DHRS7B: variants seen among roughly 807,000 people sequenced by gnomAD.
DHRS7B encodes dehydrogenase/reductase 7B.
A neutral mutation model predicts 26.4 loss-of-function variants in DHRS7B; 24 were observed. The observed-to-expected ratio is 0.91, with a 90% CI of 0.66 to 1.28. The LOEUF is 1.28. Among genes scored for constraint, DHRS7B ranks in the 50% most tolerant of loss-of-function variants. The pLI, the probability that DHRS7B is intolerant of heterozygous loss-of-function variation, is 0.00. For missense variants in DHRS7B, 368 were observed against 419.4 expected, an observed-to-expected ratio of 0.88 and a Z score of 1.07; for synonymous variants, 142 against 166.4, an observed-to-expected ratio of 0.85 and a Z score of 1.13.
intron 1 of DHRS7B, among the ~76,000 whole-genome samples, chr17:21,135,586 GC>G (rs1973323518): frequency 6.6e-6 from 1 of 152,070 alleles, no homozygotes; most frequent in African/African-American, 2.4e-5. Flanking sequence ...CAAACAATAA[GC>G]CTTAATAAAA....
At chr17:21,190,857 C>A in intron 6 of DHRS7B, 91 bp from the exon 7 acceptor site, 1 of 1,329,946 alleles carries the variant, frequency 7.5e-7, no homozygotes, top group Non-Finnish European at 1.0e-6. Context: ...GGAAAGGCAG[C>A]AGGCTGACCT....
intron 1 of DHRS7B, among the ~76,000 whole-genome samples, chr17:21,138,101 T>TAC (rs370861401): frequency 2.6e-3 from 225 of 86,102 alleles, no homozygotes; most frequent in Admixed American, 3.1e-3. Flanking sequence ...TATATATATA[T>TAC]ACACACACAC....
In DHRS7B at chr17:21,172,052, A is replaced by G. The variant is rs916482855; in HGVS notation, c.55A>G (p.Ile19Val). The G allele has an allele frequency of 8.1e-6, 13 of 1,614,110 alleles. No individual in the cohort carries two copies. Among genetic ancestry groups the G allele is most frequent in the Non-Finnish European group, 1.1e-5 (13 of 1,180,050 alleles). ...GCCGAAGGTGAAGGCCATGGACTTCATCACCTCCACAGCCATCCTGCCCCT... is the reference window on the plus strand; with the variant it reads ...GCCGAAGGTGAAGGCCATGGACTTCGTCACCTCCACAGCCATCCTGCCCCT... The part of the protein sequence containing the change: ...SLPKVKAMDF[I>V]TSTAILPLLF... Residue 19 changes from isoleucine to valine, a missense_variant, in exon 2 of 7, where the codon ATC becomes GTC. Ile to Val is a conservative substitution (Grantham distance 29). Transcript: ENST00000395511.
At chr17:21,132,543 A>AAC (rs1567614498) in intron 1 of DHRS7B, among the ~76,000 whole-genome samples, 1 of 147,140 alleles carries the variant, frequency 6.8e-6, no homozygotes, top group African/African-American at 2.6e-5. Flanking sequence ...AAAAAAAAAA[A>AAC]AAAAAACAAA....
At chr17:21,162,080 TTGTC>T (rs1266425761) in intron 1 of DHRS7B, among the ~76,000 whole-genome samples, 1 of 151,680 alleles carries the variant, frequency 6.6e-6, no homozygotes, top group African/African-American at 2.4e-5. Flanking sequence ...TAAGGCACAT[TTGTC>T]TGAGAGAAAG....
intron 1 of DHRS7B, among the ~76,000 whole-genome samples, chr17:21,148,090 C>T (rs1216467245): frequency 2.0e-5 from 3 of 151,866 alleles, no homozygotes; most frequent in Admixed American, 1.3e-4. Context: ...TTATTTTATA[C>T]TTTTTGTAGA....
At chr17:21,138,997 A>G (rs1302346238) in intron 1 of DHRS7B, among the ~76,000 whole-genome samples, 1 of 152,226 alleles carries the variant, frequency 6.6e-6, no homozygotes, top group Non-Finnish European at 1.5e-5. Flanking sequence ...CCACCATTGC[A>G]AAATTGTAAC....
Position 21,191,308 on chromosome 17 carries a change from G to C in DHRS7B, c.*155G>C. 2.6e-6 allele frequency: 2 copies of C among 759,234 alleles called. No homozygotes were observed. The allele number at this position is 759,234 out of a possible 1,614,324, so 47.0% of individuals were successfully genotyped here. On this transcript the variant is annotated 3_prime_UTR_variant, in exon 7 of 7. Transcript: ENST00000395511. ...ATCTCGTGCAGATCTGCTGGCAGAG[G>C]ACAATCAAAAACGACAACAAGCTTC...
In DHRS7B at chr17:21,178,247, T is replaced by G. The variant is rs1974427515; in HGVS notation, c.214T>G (p.Phe72Val). 1 of 1,614,250 alleles carries G rather than the reference T, an allele frequency of 6.2e-7. No individual in the cohort carries two copies. Among genetic ancestry groups the G allele is most frequent in the East Asian group, 2.2e-5 (1 of 44,886 alleles). ...SGLGKECAKV[F>V]YAAGAKLVLC... The stretch of plus-strand genomic sequence containing the variant: ...TCTTCCCTTAGAATGTGCAAAAGTC[T>G]TCTATGCTGCGGGTGCTAAACTGGT... The change falls in exon 3 of 7, where the codon TTC (phenylalanine) becomes GTC (valine). Residue 72 changes from phenylalanine (F) to valine (V), a missense_variant. Phe to Val is a conservative substitution (Grantham distance 50, BLOSUM62 -1). Transcript: ENST00000395511.
chr17:21,142,453 A>G (rs188087098), intron 1 of DHRS7B, among the ~76,000 whole-genome samples: 18 of 152,236 alleles, frequency 1.2e-4, no homozygotes, highest in African/African-American at 4.3e-4. Flanking sequence ...TTTTCTGAGT[A>G]TAAAACAATA....
chr17:21,157,044 T>C (rs966357643), intron 1 of DHRS7B, among the ~76,000 whole-genome samples: 1 of 152,170 alleles, frequency 6.6e-6, no homozygotes, highest in Non-Finnish European at 1.5e-5. Flanking sequence ...TGAATGGGCC[T>C]GTATCTATTA....
intron 1 of DHRS7B, among the ~76,000 whole-genome samples, chr17:21,164,030 C>CTTTTTTTTTTTTT (rs35189205): frequency 0.012 from 1,114 of 96,812 alleles, 219 homozygotes; most frequent in African/African-American, 0.046. Flanking sequence ...AATTGTTGTG[C>CTTTTTTTTTTTTT]TTTTTTTTTT....
At chr17:21,138,101 TACACACACACACACAC>T (rs370861401) in intron 1 of DHRS7B, among the ~76,000 whole-genome samples, 1 of 86,146 alleles carries the variant, frequency 1.2e-5, no homozygotes, top group Non-Finnish European at 2.0e-5. Flanking sequence ...TATATATATA[TACACACACACACACAC>T]ACACACACAC....
intron 1 of DHRS7B, among the ~76,000 whole-genome samples, chr17:21,153,455 G>T (rs1973814953): frequency 6.6e-6 from 1 of 152,150 alleles, no homozygotes; most frequent in Non-Finnish European, 1.5e-5. Flanking sequence ...AAAGAAGAGA[G>T]AAAGGAATAG....
At chr17:21,151,616 A>G (rs1973773962) in intron 1 of DHRS7B, among the ~76,000 whole-genome samples, 2 of 152,184 alleles carry the variant, frequency 1.3e-5, no homozygotes, top group South Asian at 4.1e-4. Context: ...ATGAAATCAT[A>G]CCGCACACAG....
intron 3 of DHRS7B, among the ~76,000 whole-genome samples, chr17:21,178,587 C>T (rs991399882): frequency 2.0e-5 from 3 of 152,084 alleles, no homozygotes; most frequent in African/African-American, 7.2e-5. Context: ...TCTCTTTTCT[C>T]CCTTTCCTTT....
chr17:21,165,733 T>C (rs1207945830), intron 1 of DHRS7B, among the ~76,000 whole-genome samples: 1 of 151,996 alleles, frequency 6.6e-6, no homozygotes, highest in Non-Finnish European at 1.5e-5. Flanking sequence ...CTGGCCAGTA[T>C]GGTGAAACCC....
chr17:21,184,051 C>A (rs1245965788), intron 4 of DHRS7B, among the ~76,000 whole-genome samples: 2 of 152,112 alleles, frequency 1.3e-5, no homozygotes, highest in Non-Finnish European at 2.9e-5. Context: ...GCCTGCAAAC[C>A]CCTACAAGGT....
At chr17:21,178,830 T>C (rs998588768) in intron 3 of DHRS7B, among the ~76,000 whole-genome samples, 8 of 152,108 alleles carry the variant, frequency 5.3e-5, no homozygotes, top group Non-Finnish European at 8.8e-5. Flanking sequence ...AGCTGATTTT[T>C]GTATTTTTTG....
Sources: gnomAD v4.1 joint callset for allele counts (sites outside exome capture counted in the v4.1 genomes callset) on GRCh38, gnomAD v4.1.1 for gene constraint, MANE v1.5 for transcripts, NCBI Gene and HGNC (gene_info 2026-07-23, HGNC 2026-07-21) for gene names.